OGT: variants seen among roughly 807,000 people sequenced by gnomAD.
The protein encoded by OGT is O-linked N-acetylglucosamine (GlcNAc) transferase, also known as UDP-N-acetylglucosamine--peptide N-acetylglucosaminyltransferase 110 kDa subunit.
OGT carries 3 observed loss-of-function variants against 75.8 expected under a neutral mutation model. That is an observed-to-expected ratio of 0.04 (90% CI 0.02 to 0.10). The LOEUF is 0.10. Ranked by LOEUF, OGT falls within the 10% of genes least tolerant of loss-of-function variation. OGT has a pLI of 1.00. For synonymous variants in OGT, 257 were observed against 289.7 expected (o/e 0.89, Z 1.15); for missense variants, 260 against 824.4 (o/e 0.32, Z 8.38).
At chrX:71,555,134 TTGTGTGTGTGTGTGTG>T (rs376605851) in intron 6 of OGT, 40 bp from the exon 7 acceptor site, 48 of 533,739 alleles carry the variant, frequency 9.0e-5, no homozygotes, top group Middle Eastern at 6.0e-4. Flanking sequence ...GAGTTACATT[TTGTGTGTGTGTGTGTG>T]TGTGTGTGTG....
At chrX:71,533,759 C>G (rs915126727) in intron 1 of OGT, among the ~76,000 whole-genome samples, 1 of 109,448 alleles carries the variant, frequency 9.1e-6, no homozygotes, top group Admixed American at 9.8e-5. Flanking sequence ...TCTCCCCCCC[C>G]AGTCTTTTCC....
intron 5 of OGT, among the ~76,000 whole-genome samples, chrX:71,548,541 G>A (rs1403768473): frequency 1.8e-5 from 2 of 112,235 alleles, no homozygotes; most frequent in Non-Finnish European, 3.8e-5. Flanking sequence ...TCAACGGTGG[G>A]CTAAAGAAAA....
chrX:71,573,567 T>G, intron 21 of OGT, 53 bp from the exon 22 acceptor site: 1 of 1,078,560 alleles, frequency 9.3e-7, no homozygotes, highest in Non-Finnish European at 1.2e-6. Flanking sequence ...TAGGGTGTGT[T>G]TCTGAGTTTC....
intron 5 of OGT, among the ~76,000 whole-genome samples, chrX:71,552,059 A>G (rs2040308102): frequency 9.5e-6 from 1 of 105,116 alleles, no homozygotes; most frequent in Non-Finnish European, 2.0e-5. Context: ...AATACAAAAG[A>G]AAAAAAAAAC....
At chrX:71,542,146 T>A (rs1002185908) in intron 3 of OGT, among the ~76,000 whole-genome samples, 2 of 112,198 alleles carry the variant, frequency 1.8e-5, no homozygotes, top group African/African-American at 3.2e-5. Context: ...TGTTATTGAA[T>A]TGAGTAACAG....
At chrX:71,537,659 T>G (rs2040188745) in intron 2 of OGT, among the ~76,000 whole-genome samples, 170 bp from the exon 3 acceptor site, 1 of 112,969 alleles carries the variant, frequency 8.9e-6, no homozygotes, top group Non-Finnish European at 1.9e-5. Flanking sequence ...ATACCTCCAC[T>G]TTTGAAAATC....
intron 21 of OGT, among the ~76,000 whole-genome samples, chrX:71,568,464 C>T (rs944649487): frequency 2.7e-5 from 3 of 112,161 alleles, no homozygotes; most frequent in Non-Finnish European, 5.6e-5. Context: ...TGACCAGACA[C>T]CTCACTGAAG....
rs915848786 is a variant in OGT at position 71,556,165 on chromosome X, C to T, written c.1065+71C>T. The T allele has an allele frequency of 6.5e-6, 7 of 1,072,689 alleles. No individual in the cohort carries two copies. In the African/African-American group the frequency reaches 1.3e-4, roughly 20 times the overall value. The allele number at this position is 1,072,689 out of a possible 1,213,427, so 88.4% of individuals were successfully genotyped here. Reference sequence around the variant, plus strand: ...GAAAGCAGTTAAGTTTACCATCATCCACCTCTTTTGTAAAAATAGTGGTTG... The same window carrying T: ...GAAAGCAGTTAAGTTTACCATCATCTACCTCTTTTGTAAAAATAGTGGTTG... On this transcript the variant is annotated intron_variant, in intron 8 of 21. Coordinates refer to ENST00000373719, the MANE Select transcript of OGT (RefSeq NM_181672.3).
chrX:71,568,373 A>G (rs1309249901), intron 21 of OGT, among the ~76,000 whole-genome samples: 2 of 112,738 alleles, frequency 1.8e-5, no homozygotes, highest in East Asian at 5.5e-4. Context: ...CTCAGATAAC[A>G]AAGTATTAAT....
rs193094092 is a variant in OGT at position 71,575,176 on chromosome X, C to T, written c.*1382C>T. On this transcript the variant is annotated 3_prime_UTR_variant, in exon 22 of 22. Coordinates refer to ENST00000373719, the MANE Select transcript of OGT (RefSeq NM_181672.3). ...TGAATATATGTTTTGTCTCGCTATA[C>T]TGCACTTACGCTATCCAGTTGCAGG... 8.5e-4 allele frequency: 95 copies of T among 112,140 alleles called. No homozygotes were observed. The highest frequency in any genetic ancestry group is 2.9e-3 in the African/African-American group (91 of 30,862). The allele number at this position is 112,140 out of a possible 1,213,427, so 9.2% of individuals were successfully genotyped here.
chrX:71,552,064 A>T (rs981583716), intron 5 of OGT, among the ~76,000 whole-genome samples: 4 of 108,851 alleles, frequency 3.7e-5, no homozygotes, highest in African/African-American at 1.0e-4. Context: ...AAAAGAAAAA[A>T]AAAACAGCTG....
rs1602147889 is a variant in OGT, at chrX:71,556,055, C to T, written c.1026C>T (p.Asn342=). 8 of 1,210,079 alleles carry T rather than the reference C, an allele frequency of 6.6e-6. No individual in the cohort carries two copies. Among genetic ancestry groups the T allele is most frequent in the Middle Eastern group, 2.3e-4 (1 of 4,350 alleles). The change falls in exon 8 of 22, where the codon AAC becomes AAT. Residue 342 remains asparagine, a synonymous_variant. Transcript: ENST00000373719. Reference sequence around the variant, plus strand: ...CCAATATCAAACGAGAACAGGGAAACATTGAAGAGGCAGTTCGCTTGTATC... The same window carrying T: ...CCAATATCAAACGAGAACAGGGAAATATTGAAGAGGCAGTTCGCTTGTATC... ...NLANIKREQG[N]IEEAVRLYRK... is the part of the protein sequence containing the mutation.
intron 21 of OGT, 76 bp downstream of exon 21, chrX:71,568,192 A>ATAAG: frequency 1.1e-6 from 1 of 905,537 alleles, no homozygotes; most frequent in Non-Finnish European, 1.5e-6. Flanking sequence ...AAACCATAAA[A>ATAAG]TAAGTGTAAT....
chrX:71,571,434 T>A (rs2147697297), intron 21 of OGT, among the ~76,000 whole-genome samples: 1 of 112,193 alleles, frequency 8.9e-6, no homozygotes, highest in Non-Finnish European at 1.9e-5. Flanking sequence ...AGGGTCTCCC[T>A]CTGTTTCCCA....
In OGT at chrX:71,533,146, G is replaced by C. The variant is rs2040145674; in HGVS notation, c.-154G>C. The C allele has an allele frequency of 2.0e-6, 1 of 511,920 alleles. No homozygotes were observed. Among genetic ancestry groups the C allele is most frequent in the Non-Finnish European group, 3.4e-6 (1 of 294,918 alleles). 42.2% of individuals were successfully genotyped at this position (511,920 alleles called of 1,213,427 possible). On this transcript the variant is annotated 5_prime_UTR_variant, in exon 1 of 22. Transcript: ENST00000373719. ...GGTAGATGGTCAATTAGAGTTCCCA[G>C]GGTTTGAAGCCTGTAACTGCTGCCG... is the stretch of plus-strand genomic sequence containing the variant.
Position 71,556,799 on chromosome X carries a change from C to T in OGT, c.1166+19C>T. The T allele has an allele frequency of 5.6e-6, 6 of 1,080,891 alleles. No homozygotes were observed. Among genetic ancestry groups the T allele is most frequent in the Non-Finnish European group, 7.5e-6 (6 of 803,221 alleles). The allele number at this position is 1,080,891 out of a possible 1,213,427, so 89.1% of individuals were successfully genotyped here. On this transcript the variant is annotated intron_variant, in intron 9 of 21. Transcript: ENST00000373719. ...CTATTCGGTAAGAGACACTAACAGC[C>T]TTATTTTTAAAATTATTTTTAATTT...
chrX:71,535,938 T>C (rs916528862), intron 1 of OGT, among the ~76,000 whole-genome samples: 2 of 112,148 alleles, frequency 1.8e-5, no homozygotes, highest in Non-Finnish European at 3.8e-5. Context: ...CATATGGAAG[T>C]AAATATTCCT....
At chrX:71,566,752 A>G (rs895121021) in intron 19 of OGT, among the ~76,000 whole-genome samples, 3 of 112,270 alleles carry the variant, frequency 2.7e-5, no homozygotes, top group Admixed American at 9.5e-5. Context: ...AGGTACTAAT[A>G]TGTTTATAGG....
chrX:71,537,114 T>C, intron 2 of OGT: 1 of 146,842 alleles, frequency 6.8e-6, no homozygotes, highest in South Asian at 1.2e-4. Context: ...ATTACAGGCA[T>C]GTGCCACCAC....
Sources: allele counts gnomAD v4.1 joint callset (sites outside exome capture counted in the v4.1 genomes callset), GRCh38; gene constraint gnomAD v4.1.1; transcripts MANE v1.5; gene names NCBI Gene and HGNC (gene_info 2026-07-23, HGNC 2026-07-21).